Variants in STK39 observed in about 807,000 individuals in gnomAD.
The protein encoded by STK39 is serine/threonine kinase 39, also known as STE20/SPS1-related proline-alanine-rich protein kinase.
STK39 carries 20 observed loss-of-function variants against 77.8 expected under a neutral mutation model. The ratio of observed to expected loss-of-function variants is 0.26; its 90% CI spans 0.18 to 0.37. STK39 has a LOEUF of 0.37. STK39 is among the 10% of genes least tolerant of loss of function. STK39 has a pLI of 1.00. For missense variants in STK39, 479 were observed against 656.5 expected (o/e 0.73, Z 2.95); for synonymous variants, 246 against 234.1 (o/e 1.05, Z -0.47).
Position 168,003,116 on chromosome 2 carries a change from T to C in STK39, c.1498+9518A>G, listed in dbSNP as rs577758900. ...CTCCTGCCTCAGCCCCCTGAGTAGCTGGGATTACAGGCACACACCACCAGC... is the reference window on the plus strand; with the variant it reads ...CTCCTGCCTCAGCCCCCTGAGTAGCCGGGATTACAGGCACACACCACCAGC... On this transcript the variant is annotated intron_variant, in intron 16 of 17. Coordinates refer to ENST00000355999, the MANE Select transcript of STK39 (RefSeq NM_013233.3). Among the ~76,000 whole-genome samples, 16 of 152,324 alleles carry C rather than the reference T, an allele frequency of 1.1e-4. No homozygotes were observed. In the East Asian group the frequency reaches 3.1e-3, roughly 29 times the overall value.
intron 17 of STK39, among the ~76,000 whole-genome samples, chr2:167,956,692 A>ACACT (rs1691782061): frequency 2.2e-5 from 1 of 45,768 alleles, no homozygotes. Flanking sequence ...ACACACACAC[A>ACACT]CACACTCTCT....
intron 17 of STK39, among the ~76,000 whole-genome samples, chr2:167,962,072 G>C (rs914671838): frequency 3.3e-5 from 5 of 152,136 alleles, no homozygotes; most frequent in Non-Finnish European, 7.3e-5. Context: ...ACTGTGCAGG[G>C]AGGTAAAGAA....
chr2:168,206,808 G>A (rs1398798400), intron 1 of STK39, among the ~76,000 whole-genome samples: 2 of 152,114 alleles, frequency 1.3e-5, no homozygotes, highest in East Asian at 1.9e-4. Context: ...GTATTTTTAC[G>A]GGTCCGGTAT....
At chr2:168,083,502 C>G (rs1269168653) in intron 10 of STK39, among the ~76,000 whole-genome samples, 1 of 152,080 alleles carries the variant, frequency 6.6e-6, no homozygotes, top group Non-Finnish European at 1.5e-5. Context: ...ACAGTCCAGA[C>G]AGGTGGACAG....
At chr2:168,145,403 C>T (rs1005341162) in intron 5 of STK39, among the ~76,000 whole-genome samples, 1 of 152,142 alleles carries the variant, frequency 6.6e-6, no homozygotes, top group African/African-American at 2.4e-5. Flanking sequence ...CTGGAGCCCA[C>T]TGTCAGCACC....
At chr2:168,147,899 G>T (rs1353567923) in intron 5 of STK39, among the ~76,000 whole-genome samples, 2 of 152,214 alleles carry the variant, frequency 1.3e-5, no homozygotes, top group African/African-American at 4.8e-5. Context: ...GCAGTTAGCA[G>T]TTACAGAATC....
At position 168,184,273 on chromosome 2, in the gene STK39, T is replaced by C. The variant is rs1471479002; in HGVS notation, c.209-2183A>G. Among the ~76,000 whole-genome samples, 3 of 152,360 alleles carry C rather than the reference T, an allele frequency of 2.0e-5. No individual in the cohort carries two copies. The East Asian group carries it at 5.8e-4, about 29-fold the overall frequency. ...GGGGTAGGTGGTGAGAAAAATCTTTTATTAAAGCTTTACAGCTAGAGAATT... is the reference window on the plus strand; with the variant it reads ...GGGGTAGGTGGTGAGAAAAATCTTTCATTAAAGCTTTACAGCTAGAGAATT... On this transcript the variant is annotated intron_variant, in intron 1 of 17. Coordinates refer to ENST00000355999, the MANE Select transcript of STK39 (RefSeq NM_013233.3).
intron 14 of STK39, among the ~76,000 whole-genome samples, chr2:168,048,524 T>C (rs181629329): frequency 2.4e-5 from 2 of 82,808 alleles, no homozygotes; most frequent in East Asian, 3.0e-4. Context: ...GCCCGGCCTA[T>C]GCTTTTTAAG....
At chr2:167,964,788 C>T (rs1692101191) in intron 16 of STK39, 62 bp from the exon 17 acceptor site, 2 of 1,400,142 alleles carry the variant, frequency 1.4e-6, no homozygotes, top group African/African-American at 2.9e-5. Flanking sequence ...TGGATTTTCA[C>T]ATCAATGACT....
chr2:168,080,759 G>A (rs901780425), intron 10 of STK39, among the ~76,000 whole-genome samples: 2 of 152,234 alleles, frequency 1.3e-5, no homozygotes, highest in Non-Finnish European at 2.9e-5. Flanking sequence ...TTCTTGGGCT[G>A]GGCCCAGGGT....
At chr2:167,995,488 A>G (rs1157964216) in intron 16 of STK39, among the ~76,000 whole-genome samples, 2 of 152,204 alleles carry the variant, frequency 1.3e-5, no homozygotes, top group South Asian at 2.1e-4. Context: ...ATTCCAATAC[A>G]GTATTTTCAT....
chr2:168,233,298 A>G (rs1690508729), intron 1 of STK39, among the ~76,000 whole-genome samples: 3 of 152,208 alleles, frequency 2.0e-5, no homozygotes, highest in Admixed American at 2.0e-4. Flanking sequence ...AAGGGCATAT[A>G]CAAGGAAAAA....
At chr2:168,083,321 A>G (rs965435305) in intron 10 of STK39, among the ~76,000 whole-genome samples, 1 of 151,476 alleles carries the variant, frequency 6.6e-6, no homozygotes, top group African/African-American at 2.4e-5. Context: ...GTTACACTGG[A>G]CATATAACAT....
chr2:168,008,285 C>T lies in STK39; in HGVS notation c.1498+4349G>A, dbSNP rs1254198400. Among the ~76,000 whole-genome samples, 4 of 152,078 alleles carry T rather than the reference C, an allele frequency of 2.6e-5. No individual in the cohort carries two copies. In the East Asian group the frequency reaches 5.8e-4, roughly 22 times the overall value. On this transcript the variant is annotated intron_variant, in intron 16 of 17. Coordinates refer to ENST00000355999, the MANE Select transcript of STK39 (RefSeq NM_013233.3). ...ACTGGGAGTTGAGAGGGGCTTGAAA[C>T]GTGATGGGATGTGAGATGGTGAGCA...
In STK39 at chr2:168,200,648, G is replaced by A. The variant is rs187508997; in HGVS notation, c.209-18558C>T. Among the ~76,000 whole-genome samples the A allele has an allele frequency of 1.3e-4, 20 of 151,816 alleles. No homozygotes were observed. In the East Asian group the frequency reaches 3.9e-3, roughly 29 times the overall value. On this transcript the variant is annotated intron_variant, in intron 1 of 17. Coordinates refer to ENST00000355999, the MANE Select transcript of STK39 (RefSeq NM_013233.3). Reference sequence around the variant, plus strand: ...GCCAAGATCATACCACTGTACTCCAGCCCGGAAAACAGAGCAAGACTCTGT... The same window carrying A: ...GCCAAGATCATACCACTGTACTCCAACCCGGAAAACAGAGCAAGACTCTGT...
intron 1 of STK39, among the ~76,000 whole-genome samples, chr2:168,230,403 G>A (rs926609516): frequency 1.3e-5 from 2 of 152,118 alleles, no homozygotes; most frequent in Admixed American, 6.6e-5. Flanking sequence ...TTTCTTCCAG[G>A]ATGAGAAATC....
intron 16 of STK39, among the ~76,000 whole-genome samples, chr2:168,004,636 G>A (rs895760022): frequency 4.0e-5 from 6 of 151,432 alleles, no homozygotes; most frequent in Admixed American, 1.3e-4. Flanking sequence ...GGGAGGCTGA[G>A]GCAGGAGAAT....
chr2:168,232,987 C>T (rs1319255426), intron 1 of STK39, among the ~76,000 whole-genome samples: 2 of 151,992 alleles, frequency 1.3e-5, no homozygotes, highest in South Asian at 4.1e-4. Context: ...ATCACAAAAA[C>T]GGCTATAGAT....
intron 10 of STK39, among the ~76,000 whole-genome samples, chr2:168,087,946 C>A (rs1574455017): frequency 6.6e-6 from 1 of 152,218 alleles, no homozygotes; most frequent in East Asian, 1.9e-4. Context: ...AAATAAAGAT[C>A]AGGGGTTAGC....
Sources: gnomAD v4.1 joint callset for allele counts (sites outside exome capture counted in the v4.1 genomes callset) on GRCh38, gnomAD v4.1.1 for gene constraint, MANE v1.5 for transcripts, NCBI Gene and HGNC (gene_info 2026-07-23, HGNC 2026-07-21) for gene names.